PRR16: variants seen among roughly 807,000 people sequenced by gnomAD.
PRR16 encodes proline rich 16, also known as protein Largen.
In PRR16, 6 loss-of-function variants were observed where a neutral mutation model predicts 18.2. The ratio of observed to expected loss-of-function variants is 0.33; its 90% CI spans 0.18 to 0.65. The LOEUF (loss-of-function observed/expected upper bound fraction) is 0.65. PRR16 is among the 30% of genes least tolerant of loss of function. The pLI, the probability that PRR16 is intolerant of heterozygous loss-of-function variation, is 0.74. For missense variants in PRR16, 412 were observed against 376.6 expected (o/e 1.09, Z -0.78); for synonymous variants, 151 against 147.8 (o/e 1.02, Z -0.16).
chr5:120,627,926 G>A (rs1212544627), intron 1 of PRR16, among the ~76,000 whole-genome samples: 2 of 151,774 alleles, frequency 1.3e-5, no homozygotes, highest in Non-Finnish European at 2.9e-5. Context: ...ATAAGTTTGT[G>A]GTTTCTTTAA....
intron 1 of PRR16, among the ~76,000 whole-genome samples, chr5:120,542,390 G>C (rs1361733975): frequency 6.6e-6 from 1 of 152,048 alleles, no homozygotes; most frequent in African/African-American, 2.4e-5. Flanking sequence ...ATAGTACAGG[G>C]AGTACCTATA....
intron 1 of PRR16, among the ~76,000 whole-genome samples, chr5:120,495,197 C>T (rs1052894615): frequency 2.6e-5 from 4 of 151,896 alleles, no homozygotes; most frequent in Non-Finnish European, 5.9e-5. Context: ...TCTTCTTATC[C>T]ATGAACATGA....
At chr5:120,729,110 A>G in the PRR16 span, among the ~76,000 whole-genome samples, 1 of 152,132 alleles carries the variant, frequency 6.6e-6, no homozygotes, top group African/African-American at 2.4e-5. Context: ...CTAAAGTGTT[A>G]CATTGTAAAA....
intron 1 of PRR16, among the ~76,000 whole-genome samples, chr5:120,488,064 G>T (rs1047195850): frequency 3.3e-5 from 5 of 152,114 alleles, no homozygotes; most frequent in Non-Finnish European, 1.5e-5. Context: ...ATTTTATTGA[G>T]GATTTTTGCA....
the PRR16 span, among the ~76,000 whole-genome samples, chr5:120,749,917 C>T: frequency 6.6e-6 from 1 of 152,084 alleles, no homozygotes; most frequent in East Asian, 1.9e-4. Flanking sequence ...TATAGAGACT[C>T]TTTGTTTAGA....
the PRR16 span, among the ~76,000 whole-genome samples, chr5:120,789,247 TCTTAA>T: frequency 2.0e-5 from 3 of 152,134 alleles, no homozygotes; most frequent in Non-Finnish European, 2.9e-5. Flanking sequence ...CTTTACTACA[TCTTAA>T]CTTAAATAGA....
chr5:120,545,598 C>T (rs1054937268), intron 1 of PRR16, among the ~76,000 whole-genome samples: 30 of 152,016 alleles, frequency 2.0e-4, no homozygotes, highest in African/African-American at 7.2e-4. Flanking sequence ...GAATTAAATT[C>T]TTTTGAAAAT....
the PRR16 span, among the ~76,000 whole-genome samples, chr5:120,716,485 TCA>T: frequency 1.3e-5 from 2 of 152,170 alleles, no homozygotes; most frequent in Non-Finnish European, 2.9e-5. Context: ...AGCAACTGTA[TCA>T]CCAGCCCTAG....
chr5:120,651,213 A>C (rs1322417161), intron 1 of PRR16, among the ~76,000 whole-genome samples: 1 of 152,068 alleles, frequency 6.6e-6, no homozygotes, highest in Non-Finnish European at 1.5e-5. Context: ...AGTTCATTGT[A>C]GATTCTGGAT....
the PRR16 span, among the ~76,000 whole-genome samples, chr5:120,779,876 C>T: frequency 6.6e-6 from 1 of 152,094 alleles, no homozygotes; most frequent in African/African-American, 2.4e-5. Context: ...TGCCAAGTAG[C>T]CTTGGGTCCT....
At chr5:120,707,775 G>T in the PRR16 span, among the ~76,000 whole-genome samples, 1 of 152,048 alleles carries the variant, frequency 6.6e-6, no homozygotes, top group Admixed American at 6.5e-5. Flanking sequence ...TATTTCAATT[G>T]TTAGTAAAGA....
intron 1 of PRR16, among the ~76,000 whole-genome samples, chr5:120,516,779 G>A (rs1199616174): frequency 2.6e-5 from 4 of 152,144 alleles, no homozygotes; most frequent in African/African-American, 9.7e-5. Flanking sequence ...CAAAGGCAGA[G>A]ATATTTTGCA....
the PRR16 span, among the ~76,000 whole-genome samples, chr5:120,698,743 T>C: frequency 1.3e-5 from 2 of 152,052 alleles, no homozygotes; most frequent in Admixed American, 1.3e-4. Flanking sequence ...GTGGTAAAAG[T>C]ATTGTCCAGT....
chr5:120,708,734 A>G, the PRR16 span, among the ~76,000 whole-genome samples: 3 of 152,132 alleles, frequency 2.0e-5, 1 homozygote, highest in South Asian at 6.2e-4. Flanking sequence ...AATTAAACTA[A>G]GTTTACATGC....
At chr5:120,650,987 C>T (rs1755763536) in intron 1 of PRR16, among the ~76,000 whole-genome samples, 1 of 152,090 alleles carries the variant, frequency 6.6e-6, no homozygotes, top group Non-Finnish European at 1.5e-5. Context: ...TCTCCAGCAC[C>T]TGTTGTTTCC....
chr5:120,736,857 A>G, the PRR16 span, among the ~76,000 whole-genome samples: 11,225 of 152,132 alleles, frequency 0.074, 555 homozygotes, highest in Non-Finnish European at 0.11. Context: ...TATTGTAAAT[A>G]GTATTGCTTT....
At chr5:120,742,225 T>C in the PRR16 span, among the ~76,000 whole-genome samples, 1 of 150,936 alleles carries the variant, frequency 6.6e-6, no homozygotes, top group African/African-American at 2.4e-5. Flanking sequence ...AGTTTGAATT[T>C]CTGTTGTCTG....
chr5:120,756,802 G>T, the PRR16 span, among the ~76,000 whole-genome samples: 1 of 151,880 alleles, frequency 6.6e-6, no homozygotes, highest in African/African-American at 2.4e-5. Context: ...AGTTTAATTA[G>T]GTCCTACTTG....
intron 1 of PRR16, among the ~76,000 whole-genome samples, chr5:120,579,289 C>T (rs1475363498): frequency 1.3e-5 from 2 of 152,094 alleles, no homozygotes; most frequent in Non-Finnish European, 2.9e-5. Flanking sequence ...GCTTTTGCTG[C>T]AGTTGTTTTT....
Sources: allele counts gnomAD v4.1 joint callset (sites outside exome capture counted in the v4.1 genomes callset), GRCh38; gene constraint gnomAD v4.1.1; transcripts MANE v1.5; gene names NCBI Gene and HGNC (gene_info 2026-07-23, HGNC 2026-07-21).